UGT1A9: variants seen among roughly 807,000 people sequenced by gnomAD.
UGT1A9 encodes UDP-glucuronosyltransferase 1A9.
Under a neutral mutation model 45.0 loss-of-function variants are expected in UGT1A9, and 35 were observed. The observed-to-expected ratio is 0.78, with a 90% CI of 0.59 to 1.03. UGT1A9 has a LOEUF of 1.03. Ranked by LOEUF, UGT1A9 falls within the 50% of genes least tolerant of loss-of-function variation. UGT1A9 has a pLI of 0.00. For synonymous variants in UGT1A9, 278 were observed against 250.6 expected, an observed-to-expected ratio of 1.11 and a Z score of -1.03; for missense variants, 687 against 666.6, an observed-to-expected ratio of 1.03 and a Z score of -0.34.
chr2:233,718,737 A>G lies in UGT1A9; in HGVS notation c.855+45948A>G, dbSNP rs545724404. On this transcript the variant is annotated intron_variant, in intron 1 of 4. Transcript: ENST00000354728. ...ACATGCTGATTTGCTAGGTGGCTCA[A>G]TGACAAGGTAATTAAGGCGAAGGAA... 56 of 1,611,866 alleles carry G rather than the reference A, an allele frequency of 3.5e-5. No homozygotes were observed. In the African/African-American group the frequency reaches 4.3e-4, roughly 12 times the overall value.
Position 233,730,035 on chromosome 2 carries a change from A to T in UGT1A9, c.856-36999A>T, listed in dbSNP as rs45599733. The T allele has an allele frequency of 1.0e-3, 1,658 of 1,613,028 alleles. 11 individuals are homozygous for T. In the African/African-American group the frequency reaches 0.02, roughly 19 times the overall value. ...TCATCCAATCAATGTTCCAGGCAAA[A>T]CACTTTTTAAAAAAATGTATTTATT... is the stretch of plus-strand genomic sequence containing the variant. On this transcript the variant is annotated intron_variant, in intron 1 of 4. Transcript: ENST00000354728.
chr2:233,675,246 C>T (rs1022851436), intron 1 of UGT1A9, among the ~76,000 whole-genome samples: 2 of 152,150 alleles, frequency 1.3e-5, no homozygotes, highest in African/African-American at 2.4e-5. Flanking sequence ...TTGGAGGGGA[C>T]AAACTTCTAA....
intron 1 of UGT1A9, chr2:233,691,242 A>T (rs1483336353): frequency 4.5e-5 from 44 of 985,382 alleles, no homozygotes; most frequent in Non-Finnish European, 4.9e-5. Context: ...TGCTATCTAG[A>T]TGAACTCAAA....
chr2:233,745,232 C>G (rs1693047388), intron 1 of UGT1A9, among the ~76,000 whole-genome samples: 1 of 151,800 alleles, frequency 6.6e-6, no homozygotes, highest in East Asian at 1.9e-4. Flanking sequence ...AAATACAGCA[C>G]TATTTACTGT....
intron 1 of UGT1A9, among the ~76,000 whole-genome samples, chr2:233,679,014 G>A (rs1185590717): frequency 6.6e-6 from 1 of 152,178 alleles, no homozygotes; most frequent in African/African-American, 2.4e-5. Flanking sequence ...ATCTTCAGTG[G>A]TGTAATCCTT....
At chr2:233,682,594 T>A in intron 1 of UGT1A9, 1 of 1,613,954 alleles carries the variant, frequency 6.2e-7, no homozygotes, top group African/African-American at 1.3e-5. Context: ...AACATTTATT[T>A]TGCCCCTATT....
At chr2:233,764,575 ACT>A (rs1417974721) in intron 1 of UGT1A9, among the ~76,000 whole-genome samples, 4 of 152,070 alleles carry the variant, frequency 2.6e-5, no homozygotes, top group African/African-American at 9.7e-5. Context: ...GAGAACTTAG[ACT>A]CGGCCTTTTC....
At chr2:233,693,087 A>G in intron 1 of UGT1A9, 1 of 1,614,160 alleles carries the variant, frequency 6.2e-7, no homozygotes, top group South Asian at 1.1e-5. Flanking sequence ...GTAGGTGACA[A>G]GCTGCTGGTG....
At chr2:233,677,122 A>G (rs184135663) in intron 1 of UGT1A9, among the ~76,000 whole-genome samples, 1 of 152,276 alleles carries the variant, frequency 6.6e-6, no homozygotes, top group Non-Finnish European at 1.5e-5. Context: ...TTTTATTTAT[A>G]GATCAACTGG....
At chr2:233,728,904 C>T (rs1575577301) in intron 1 of UGT1A9, among the ~76,000 whole-genome samples, 3 of 150,724 alleles carry the variant, frequency 2.0e-5, no homozygotes, top group South Asian at 4.1e-4. Flanking sequence ...CAGGGTCAGA[C>T]GTGTTTTTCA....
intron 1 of UGT1A9, chr2:233,719,396 C>T: frequency 6.2e-7 from 1 of 1,613,966 alleles, no homozygotes; most frequent in Non-Finnish European, 8.5e-7. Flanking sequence ...ATCCTTCCTC[C>T]TATATTCCTA....
At chr2:233,744,164 C>T (rs974356538) in intron 1 of UGT1A9, 1 of 281,484 alleles carries the variant, frequency 3.6e-6, no homozygotes, top group African/African-American at 2.2e-5. Context: ...GCCCCGCCCA[C>T]TCCGGCCTCC....
intron 1 of UGT1A9, among the ~76,000 whole-genome samples, chr2:233,684,874 G>A (rs2074706964): frequency 6.6e-6 from 1 of 152,158 alleles, no homozygotes; most frequent in Non-Finnish European, 1.5e-5. Context: ...TTTCATATGG[G>A]CAGGGTGTGT....
At chr2:233,679,383 T>A (rs867233358) in intron 1 of UGT1A9, among the ~76,000 whole-genome samples, 1 of 152,196 alleles carries the variant, frequency 6.6e-6, no homozygotes, top group Non-Finnish European at 1.5e-5. Flanking sequence ...AGTGTTGATC[T>A]TTTCCTTTCA....
intron 1 of UGT1A9, among the ~76,000 whole-genome samples, chr2:233,738,047 C>A (rs1690670574): frequency 6.6e-6 from 1 of 152,068 alleles, no homozygotes; most frequent in Admixed American, 6.6e-5. Flanking sequence ...GTGTTGAGGA[C>A]AGGACATGGT....
At chr2:233,719,526 T>C (rs1307558571) in intron 1 of UGT1A9, 1 of 1,613,852 alleles carries the variant, frequency 6.2e-7, no homozygotes, top group Admixed American at 1.7e-5. Flanking sequence ...AAGTCTTGCC[T>C]CTGAGCTTTT....
intron 1 of UGT1A9, among the ~76,000 whole-genome samples, chr2:233,680,336 G>T (rs969831488): frequency 1.3e-5 from 2 of 152,160 alleles, no homozygotes; most frequent in South Asian, 4.1e-4. Context: ...CGCGCAGAGG[G>T]TATAAACGTC....
chr2:233,672,580 G>A lies in UGT1A9; in HGVS notation c.646G>A (p.Glu216Lys). 1 of 1,613,860 alleles carries A rather than the reference G, an allele frequency of 6.2e-7. No individual in the cohort carries two copies. The highest frequency in any genetic ancestry group is 8.5e-7 in the Non-Finnish European group (1 of 1,179,830). ...RVRNHIMHLEEHLLCHRFFKN... is the reference protein window; with the variant it reads ...RVRNHIMHLEKHLLCHRFFKN... Reference sequence around the variant, plus strand: ...ACGGAACCACATCATGCACTTGGAGGAACATTTATTATGCCACCGTTTTTT... The same window carrying A: ...ACGGAACCACATCATGCACTTGGAGAAACATTTATTATGCCACCGTTTTTT... Residue 216 changes from glutamate (E) to lysine (K), a missense_variant, in exon 1 of 5, where the codon GAA (glutamate) becomes AAA (lysine). Physicochemically the swap from Glu to Lys is moderately conservative, Grantham distance 56. Coordinates refer to ENST00000354728, the MANE Select transcript of UGT1A9 (RefSeq NM_021027.3).
At chr2:233,705,012 T>A (rs544165304) in intron 1 of UGT1A9, among the ~76,000 whole-genome samples, 126 of 152,168 alleles carry the variant, frequency 8.3e-4, no homozygotes, top group Non-Finnish European at 1.5e-3. Flanking sequence ...GGCAGGCGCC[T>A]GTAATCCCAG....
Sources: gnomAD v4.1 joint callset for allele counts (sites outside exome capture counted in the v4.1 genomes callset) on GRCh38, gnomAD v4.1.1 for gene constraint, MANE v1.5 for transcripts, NCBI Gene and HGNC (gene_info 2026-07-23, HGNC 2026-07-21) for gene names.